The following BTAF1 variants were observed in gnomAD, a reference collection of about 807,000 sequenced individuals.
The protein encoded by BTAF1 is B-TFIID TATA-box binding protein associated factor 1.
In BTAF1, 38 loss-of-function variants were observed where a neutral mutation model predicts 227.1. The observed-to-expected ratio is 0.17, with a 90% CI of 0.13 to 0.22. BTAF1 has a LOEUF of 0.22. Among genes scored for constraint, BTAF1 ranks in the 10% least tolerant of loss-of-function variants. BTAF1 has a pLI of 1.00. For synonymous variants in BTAF1, 742 were observed against 751.9 expected, an observed-to-expected ratio of 0.99 and a Z score of 0.21; for missense variants, 1,598 against 2,204.0, an observed-to-expected ratio of 0.73 and a Z score of 5.51.
At chr10:91,925,681 T>C (rs1346080587) in intron 1 of BTAF1, among the ~76,000 whole-genome samples, 2 of 152,030 alleles carry the variant, frequency 1.3e-5, no homozygotes, top group African/African-American at 4.8e-5. Context: ...CTGGCTAGTT[T>C]TTTGTATTTT....
intron 8 of BTAF1, among the ~76,000 whole-genome samples, chr10:91,957,778 A>C (rs986833342): frequency 6.6e-6 from 1 of 152,174 alleles, no homozygotes; most frequent in Non-Finnish European, 1.5e-5. Context: ...TTTAAAAAAC[A>C]TTTATTTAGA....
chr10:91,974,974 A>C lies in BTAF1; in HGVS notation c.1651-5480A>C, dbSNP rs574960082. The stretch of plus-strand genomic sequence containing the variant: ...AATTTACCATTTGTTTGTCCTTTCT[A>C]TATTGTCTCTTTAGCCAGTGTGTTT... On this transcript the variant is annotated intron_variant, in intron 14 of 37. Coordinates refer to ENST00000265990, the MANE Select transcript of BTAF1 (RefSeq NM_003972.3). 2.6e-5 allele frequency among the ~76,000 whole-genome samples: 4 copies of C among 152,278 alleles called. No individual in the cohort carries two copies. In the East Asian group the frequency reaches 5.8e-4, roughly 22 times the overall value.
In BTAF1 at chr10:91,954,012, A is replaced by G. The variant is rs999896340; in HGVS notation, c.701+139A>G. On this transcript the variant is annotated intron_variant, in intron 6 of 37. Transcript: ENST00000265990. ...TTGGATTCTCTTACTCAATTGTCAG[A>G]GAGTATTCATTGTACTAGGAACTGA... 6 of 1,241,278 alleles carry G rather than the reference A, an allele frequency of 4.8e-6. No homozygotes were observed. The African/African-American group carries it at 6.1e-5, about 13-fold the overall frequency. The allele number at this position is 1,241,278 out of a possible 1,614,324, so 76.9% of individuals were successfully genotyped here. A position where few individuals can be genotyped will look rare whatever the true frequency, so the allele number is the denominator to read the frequency against.
At chr10:92,021,244 A>G (rs954390528) in intron 34 of BTAF1, among the ~76,000 whole-genome samples, 4 of 152,242 alleles carry the variant, frequency 2.6e-5, no homozygotes, top group Non-Finnish European at 4.4e-5. Flanking sequence ...GAAAAATTCC[A>G]GGAGGCTGTA....
intron 20 of BTAF1, among the ~76,000 whole-genome samples, chr10:91,991,265 A>AATATATATATATAT (rs375232605): frequency 1.1e-5 from 1 of 90,074 alleles, no homozygotes; most frequent in African/African-American, 3.3e-5. Flanking sequence ...TATAAATATA[A>AATATATATATATAT]ATATAAATAT....
chr10:92,027,367 T>C, intron 37 of BTAF1, 67 bp downstream of exon 37: 1 of 1,434,232 alleles, frequency 7.0e-7, no homozygotes, highest in Non-Finnish European at 9.4e-7. Context: ...AAGTTGAAAG[T>C]ATTAAAGGAG....
At chr10:91,924,854 C>T (rs953935424) in intron 1 of BTAF1, among the ~76,000 whole-genome samples, 8 of 152,170 alleles carry the variant, frequency 5.3e-5, no homozygotes, top group East Asian at 1.9e-4. Flanking sequence ...TTTGGTGACC[C>T]TCTGTACATG....
intron 25 of BTAF1, among the ~76,000 whole-genome samples, chr10:92,004,968 T>C (rs1171549813): frequency 1.3e-5 from 2 of 152,240 alleles, no homozygotes; most frequent in Non-Finnish European, 2.9e-5. Flanking sequence ...TGCATGTGAA[T>C]ATCCAGTTTT....
Position 91,924,002 on chromosome 10 carries a change from C to A in BTAF1, c.-75C>A, listed in dbSNP as rs1010942532. 5.8e-6 allele frequency: 9 copies of A among 1,560,890 alleles called. No individual in the cohort carries two copies. Among genetic ancestry groups the A allele is most frequent in the Non-Finnish European group, 7.8e-6 (9 of 1,156,820 alleles). On this transcript the variant is annotated 5_prime_UTR_variant, in exon 1 of 38. An upstream open reading frame in the 5' UTR gains an earlier in-frame stop. Transcript: ENST00000265990. ...CTCCGCGGCCTGGGCCTGCGCCGCT[C>A]AGCTCTCTGGAAACTAGCGCCTCAG...
At chr10:91,974,562 A>G (rs1431166219) in intron 14 of BTAF1, among the ~76,000 whole-genome samples, 2 of 152,188 alleles carry the variant, frequency 1.3e-5, no homozygotes, top group African/African-American at 4.8e-5. Context: ...ACTCTTAAGA[A>G]AAACCATGGC....
chr10:91,947,055 C>T (rs1390279547), intron 4 of BTAF1, among the ~76,000 whole-genome samples: 3 of 152,114 alleles, frequency 2.0e-5, no homozygotes, highest in African/African-American at 7.2e-5. Context: ...TGTGGCCAGG[C>T]TGGTCTTGAA....
At chr10:92,014,407 T>G (rs1160340396) in intron 32 of BTAF1, among the ~76,000 whole-genome samples, 1 of 152,118 alleles carries the variant, frequency 6.6e-6, no homozygotes, top group African/African-American at 2.4e-5. Flanking sequence ...TTTTAAGTTT[T>G]GTAGAGACTG....
chr10:91,924,476 G>A (rs1843692556), intron 1 of BTAF1, among the ~76,000 whole-genome samples: 1 of 152,098 alleles, frequency 6.6e-6, no homozygotes, highest in Non-Finnish European at 1.5e-5. Context: ...TCGATGGAGG[G>A]GAAACCTGAA....
At chr10:92,023,678 T>C (rs1213226167) in intron 34 of BTAF1, among the ~76,000 whole-genome samples, 2 of 152,080 alleles carry the variant, frequency 1.3e-5, no homozygotes, top group African/African-American at 2.4e-5. Context: ...AGGGAGACTC[T>C]GTCTCTAAAA....
chr10:92,018,760 A>G (rs1850914294), intron 33 of BTAF1, 23 bp from the exon 34 acceptor site: 2 of 1,465,570 alleles, frequency 1.4e-6, no homozygotes, highest in Non-Finnish European at 1.8e-6. Context: ...TGACTCATAT[A>G]TACTTTTTTT....
In BTAF1 at chr10:91,959,886, T is replaced by C; in HGVS notation, c.1086+6T>C. The stretch of plus-strand genomic sequence containing the variant: ...GAGACTTTGTTTCTGATGAAGTAAG[T>C]ATCATTTAAGGGAGGCTTTGCCCAA... On this transcript the variant is annotated splice_donor_region_variant and intron_variant, in intron 10 of 37. Transcript: ENST00000265990. 6.2e-7 allele frequency: 1 copy of C among 1,604,698 alleles called. No individual in the cohort carries two copies. Among genetic ancestry groups the C allele is most frequent in the Non-Finnish European group, 8.5e-7 (1 of 1,177,312 alleles).
rs1851550859 is a variant in BTAF1, at chr10:92,026,856, A to G, written c.5235+105A>G. 4.0e-6 allele frequency: 5 copies of G among 1,242,728 alleles called. No individual in the cohort carries two copies. In the South Asian group the frequency reaches 7.5e-5, roughly 19 times the overall value. 77.0% of individuals were successfully genotyped at this position (1,242,728 alleles called of 1,614,324 possible). ...AGTTCTTGCTCTGGTGTTAACATAC[A>G]TGTGTTATGACCTTGGACAGATCAC... On this transcript the variant is annotated intron_variant, in intron 36 of 37. Transcript: ENST00000265990.
At chr10:91,981,843 A>G (rs770821261) in intron 16 of BTAF1, 51 bp downstream of exon 16, 24 of 1,545,122 alleles carry the variant, frequency 1.6e-5, no homozygotes, top group Non-Finnish European at 1.9e-5. Context: ...CTAATTATTA[A>G]TACAGTAACC....
At chr10:91,957,437 AT>A (rs1289740369) in intron 8 of BTAF1, 144 bp downstream of exon 8, 13 of 479,222 alleles carry the variant, frequency 2.7e-5, no homozygotes, top group Non-Finnish European at 3.4e-5. Context: ...ATTGACCTAA[AT>A]AGAAAACTAT....
Sources: allele counts gnomAD v4.1 joint callset (sites outside exome capture counted in the v4.1 genomes callset), GRCh38; gene constraint gnomAD v4.1.1; transcripts MANE v1.5; gene names NCBI Gene and HGNC (gene_info 2026-07-23, HGNC 2026-07-21).